SLC35A3: variants seen among roughly 807,000 people sequenced by gnomAD.
The protein encoded by SLC35A3 is UDP-N-acetylglucosamine transporter.
In SLC35A3, 26 loss-of-function variants were observed where a neutral mutation model predicts 39.0. The ratio of observed to expected loss-of-function variants is 0.67; its 90% CI spans 0.49 to 0.92. The LOEUF (loss-of-function observed/expected upper bound fraction) is 0.92. Ranked by LOEUF, SLC35A3 falls within the 40% of genes least tolerant of loss-of-function variation. The pLI is 0.00. For missense variants in SLC35A3, 299 were observed against 371.6 expected, an observed-to-expected ratio of 0.80 and a Z score of 1.61; for synonymous variants, 135 against 133.1, an observed-to-expected ratio of 1.01 and a Z score of -0.10.
intron 2 of SLC35A3, 47 bp downstream of exon 2, chr1:99,993,788 T>G: frequency 6.6e-7 from 1 of 1,521,016 alleles, no homozygotes; most frequent in East Asian, 2.3e-5. Context: ...TTTATTTAGT[T>G]TGCATATATA....
rs143090012 is a variant in SLC35A3, at chr1:100,010,811, G to C, written c.466-554G>C. Among the ~76,000 whole-genome samples, 386 of 152,276 alleles carry C rather than the reference G, an allele frequency of 2.5e-3. 1 individual carries two copies. Among genetic ancestry groups the C allele is most frequent in the African/African-American group, 8.5e-3 (353 of 41,566 alleles). On this transcript the variant is annotated intron_variant, in intron 4 of 7. Transcript: ENST00000533028. ...ATTAAGGGTAACATCTAAGCCATAG[G>C]GTACTATCCCTGGTGCAATGATCCT...
At chr1:99,982,229 G>C (rs1657498132) in intron 1 of SLC35A3, among the ~76,000 whole-genome samples, 2 of 151,900 alleles carry the variant, frequency 1.3e-5, no homozygotes, top group African/African-American at 4.8e-5. Context: ...TTGAACCCCT[G>C]AGCTCAGGCA....
chr1:100,018,731 C>A (rs1369058680), intron 7 of SLC35A3, among the ~76,000 whole-genome samples: 11 of 152,158 alleles, frequency 7.2e-5, no homozygotes, highest in African/African-American at 2.7e-4. Context: ...CTTCCCACCT[C>A]TGCCTCTCAG....
Position 100,022,515 on chromosome 1 carries a change from C to A in SLC35A3, c.*39C>A. On this transcript the variant is annotated 3_prime_UTR_variant, in exon 8 of 8. Transcript: ENST00000533028. Reference sequence around the variant, plus strand: ...TTAACTGGTTTTTCACGATGGGGCACTAGGAATCTCGACATTAATCTTGCA... The same window carrying A: ...TTAACTGGTTTTTCACGATGGGGCAATAGGAATCTCGACATTAATCTTGCA... 1 of 1,056,116 alleles carries A rather than the reference C, an allele frequency of 9.5e-7. No individual in the cohort carries two copies. Among genetic ancestry groups the A allele is most frequent in the Non-Finnish European group, 1.4e-6 (1 of 690,016 alleles). The allele number at this position is 1,056,116 out of a possible 1,614,324, so 65.4% of individuals were successfully genotyped here.
At chr1:100,008,724 G>A (rs1290482743) in intron 4 of SLC35A3, 1 of 152,164 alleles carries the variant, frequency 6.6e-6, no homozygotes, top group Non-Finnish European at 1.5e-5. Context: ...GCCTCTACCA[G>A]AATATCTTCC....
In SLC35A3 at chr1:100,024,682, G is replaced by T; in HGVS notation, c.*2206G>T. 2.6e-6 allele frequency: 1 copy of T among 382,812 alleles called. No individual in the cohort carries two copies. 23.7% of individuals were successfully genotyped at this position (382,812 alleles called of 1,614,324 possible). A position where few individuals can be genotyped will look rare whatever the true frequency, so the allele number is the denominator to read the frequency against. Reference sequence around the variant, plus strand: ...TCGCCAGGCTGGAGTGCTGTGGCGCGATCTCGGCTTACTGCAACCTCCCAC... The same window carrying T: ...TCGCCAGGCTGGAGTGCTGTGGCGCTATCTCGGCTTACTGCAACCTCCCAC... On this transcript the variant is annotated 3_prime_UTR_variant, in exon 8 of 8. Coordinates refer to ENST00000533028, the MANE Select transcript of SLC35A3 (RefSeq NM_012243.3).
intron 5 of SLC35A3, among the ~76,000 whole-genome samples, chr1:100,011,864 G>T (rs575432652): frequency 1.3e-5 from 2 of 151,310 alleles, no homozygotes; most frequent in Admixed American, 6.6e-5. Context: ...GACTATAGGC[G>T]CCCGCCACCA....
At chr1:99,985,445 A>G (rs1657693449) in intron 1 of SLC35A3, among the ~76,000 whole-genome samples, 1 of 152,196 alleles carries the variant, frequency 6.6e-6, no homozygotes. Context: ...TTATAACAGT[A>G]CCATGCTGTT....
At position 100,024,637 on chromosome 1, in the gene SLC35A3, TGA is replaced by T; in HGVS notation, c.*2164_*2165del. 3 of 362,560 alleles carry T rather than the reference TGA, an allele frequency of 8.3e-6. No homozygotes were observed. The highest frequency in any genetic ancestry group is 4.0e-5 in the East Asian group (1 of 24,812). 22.5% of individuals were successfully genotyped at this position (362,560 alleles called of 1,614,324 possible). On this transcript the variant is annotated 3_prime_UTR_variant, in exon 8 of 8. Transcript: ENST00000533028. ...TAAAATACTTCTTTTTTTTTTTTTT[TGA>T]GACAGAGTCTCACTTTGTCGCCAGG...
chr1:99,987,420 G>GT (rs150358059), intron 1 of SLC35A3, among the ~76,000 whole-genome samples: 6,719 of 152,058 alleles, frequency 0.044, 172 homozygotes, highest in African/African-American at 0.06. Context: ...GCTTAAGATC[G>GT]TTTTTTCCAA....
intron 1 of SLC35A3, among the ~76,000 whole-genome samples, chr1:99,980,502 A>G (rs1178059963): frequency 6.6e-6 from 1 of 152,232 alleles, no homozygotes; most frequent in Non-Finnish European, 1.5e-5. Flanking sequence ...TAGAATGCAA[A>G]TAGGTTTTAT....
At chr1:99,980,391 T>C (rs1443518941) in intron 1 of SLC35A3, among the ~76,000 whole-genome samples, 1 of 152,114 alleles carries the variant, frequency 6.6e-6, no homozygotes, top group East Asian at 1.9e-4. Context: ...GCACCACACA[T>C]TGAAAGGAGA....
rs1225653156 is a variant in SLC35A3, at chr1:100,029,018, G to A, written c.*6542G>A. ...TTATCTACTCCTGACCACAATGTTTGACAGTACACACATAGTATTGCCATT... is the reference window on the plus strand; with the variant it reads ...TTATCTACTCCTGACCACAATGTTTAACAGTACACACATAGTATTGCCATT... On this transcript the variant is annotated 3_prime_UTR_variant, in exon 8 of 8. Transcript: ENST00000533028. 6.6e-6 allele frequency: 1 copy of A among 152,204 alleles called. No homozygotes were observed. The highest frequency in any genetic ancestry group is 2.4e-5 in the African/African-American group (1 of 41,446). The allele number at this position is 152,204 out of a possible 1,614,324, so 9.4% of individuals were successfully genotyped here.
At chr1:100,015,898 A>T (rs138401912) in intron 6 of SLC35A3, among the ~76,000 whole-genome samples, 166 of 152,268 alleles carry the variant, frequency 1.1e-3, no homozygotes, top group African/African-American at 3.8e-3. Context: ...TCTTTAAAAA[A>T]TACATATGGA....
chr1:99,985,045 C>G (rs1172869836), intron 1 of SLC35A3, among the ~76,000 whole-genome samples: 1 of 152,150 alleles, frequency 6.6e-6, no homozygotes, highest in Non-Finnish European at 1.5e-5. Flanking sequence ...TGTCTGTTTA[C>G]TCTGCTGATT....
At chr1:99,972,625 C>T (rs538005297) in intron 1 of SLC35A3, among the ~76,000 whole-genome samples, 7 of 152,026 alleles carry the variant, frequency 4.6e-5, no homozygotes, top group South Asian at 2.1e-4. Flanking sequence ...CATGAGCCAC[C>T]GCGCCCAGCC....
At chr1:99,997,468 A>C (rs1320207593) in intron 2 of SLC35A3, among the ~76,000 whole-genome samples, 4 of 111,458 alleles carry the variant, frequency 3.6e-5, no homozygotes, top group Non-Finnish European at 7.5e-5. Context: ...GGATCTTAGA[A>C]TAGTGTTTAG....
intron 5 of SLC35A3, among the ~76,000 whole-genome samples, chr1:100,013,423 A>C (rs1199655783): frequency 2.1e-5 from 3 of 145,832 alleles, no homozygotes; most frequent in African/African-American, 7.7e-5. Flanking sequence ...GACCAGTCTG[A>C]GCAACACTAC....
chr1:99,978,602 TAGA>T (rs1010725862), intron 1 of SLC35A3, among the ~76,000 whole-genome samples: 1 of 152,204 alleles, frequency 6.6e-6, no homozygotes, highest in African/African-American at 2.4e-5. Flanking sequence ...TAAGTGGTAG[TAGA>T]AGAATTGCTT....
Sources: gnomAD v4.1 joint callset for allele counts (sites outside exome capture counted in the v4.1 genomes callset) on GRCh38, gnomAD v4.1.1 for gene constraint, MANE v1.5 for transcripts, NCBI Gene and HGNC (gene_info 2026-07-23, HGNC 2026-07-21) for gene names.